Variants in LGR6 observed in about 807,000 individuals in gnomAD.
LGR6 encodes the protein leucine rich repeat containing G protein-coupled receptor 6, also known as leucine-rich repeat-containing G protein-coupled receptor 6.
A neutral mutation model predicts 69.4 loss-of-function variants in LGR6; 45 were observed. The observed-to-expected ratio is 0.65, with a 90% CI of 0.51 to 0.83. LGR6 has a LOEUF of 0.83. Ranked by LOEUF, LGR6 falls within the 40% of genes least tolerant of loss-of-function variation. LGR6 has a pLI of 0.00. For synonymous variants in LGR6, 538 were observed against 555.0 expected, an observed-to-expected ratio of 0.97 and a Z score of 0.43; for missense variants, 1,108 against 1,246.7, an observed-to-expected ratio of 0.89 and a Z score of 1.68.
intron 1 of LGR6, among the ~76,000 whole-genome samples, chr1:202,216,380 A>C (rs1298225909): frequency 1.3e-5 from 2 of 152,214 alleles, no homozygotes; most frequent in African/African-American, 4.8e-5. Flanking sequence ...AATCAAACAC[A>C]AGTCAGTCTG....
chr1:202,251,796 C>T (rs1663270890), intron 4 of LGR6, among the ~76,000 whole-genome samples: 1 of 152,178 alleles, frequency 6.6e-6, no homozygotes, highest in Admixed American at 6.5e-5. Flanking sequence ...TAAAACCCCC[C>T]TCAGAACATC....
At chr1:202,263,225 C>T (rs1423482322) in intron 4 of LGR6, among the ~76,000 whole-genome samples, 2 of 152,054 alleles carry the variant, frequency 1.3e-5, no homozygotes, top group Non-Finnish European at 2.9e-5. Flanking sequence ...CGGGTTCAAG[C>T]AATTCTCCTG....
intron 4 of LGR6, among the ~76,000 whole-genome samples, chr1:202,262,225 A>G (rs369606861): frequency 1.5e-4 from 23 of 151,992 alleles, no homozygotes; most frequent in African/African-American, 5.5e-4. Context: ...TAGGTCTAAC[A>G]TTTAAGTCTT....
At chr1:202,234,712 A>C (rs1012510679) in intron 3 of LGR6, among the ~76,000 whole-genome samples, 11 of 152,226 alleles carry the variant, frequency 7.2e-5, no homozygotes, top group African/African-American at 2.7e-4. Context: ...GTTTGAATTA[A>C]TACAAGTTCT....
intron 4 of LGR6, among the ~76,000 whole-genome samples, chr1:202,270,877 T>G (rs1461800446): frequency 6.6e-6 from 1 of 151,968 alleles, no homozygotes; most frequent in African/African-American, 2.4e-5. Flanking sequence ...GAGGGAAGGG[T>G]CCCCTTCCTT....
intron 1 of LGR6, chr1:202,213,947 G>C (rs761228296): frequency 9.2e-5 from 59 of 644,720 alleles, no homozygotes; most frequent in Non-Finnish European, 1.1e-4. Flanking sequence ...CTTCTTGTTG[G>C]GCAGGTATTT....
At chr1:202,196,412 G>A (rs571708272) in intron 1 of LGR6, among the ~76,000 whole-genome samples, 20 of 152,288 alleles carry the variant, frequency 1.3e-4, no homozygotes, top group South Asian at 6.2e-4. Context: ...TCTTTTCAGC[G>A]ATGTTAGGAG....
chr1:202,317,490 G>C (rs961712523), intron 17 of LGR6, among the ~76,000 whole-genome samples: 3 of 152,002 alleles, frequency 2.0e-5, no homozygotes, highest in African/African-American at 7.3e-5. Flanking sequence ...GACTACATGT[G>C]CGTGCCACCA....
At chr1:202,240,719 T>A (rs1048378939) in intron 4 of LGR6, among the ~76,000 whole-genome samples, 14 of 152,172 alleles carry the variant, frequency 9.2e-5, no homozygotes, top group Admixed American at 6.5e-4. Flanking sequence ...TTCAGGTCCT[T>A]CTGTCTTAGA....
chr1:202,241,311 AG>A (rs34421637), intron 4 of LGR6, among the ~76,000 whole-genome samples: 2 of 152,310 alleles, frequency 1.3e-5, no homozygotes, highest in African/African-American at 4.8e-5. Context: ...CTGGAGCCTC[AG>A]GGAAGGTTCA....
At chr1:202,252,984 C>G (rs1434474009) in intron 4 of LGR6, among the ~76,000 whole-genome samples, 2 of 152,230 alleles carry the variant, frequency 1.3e-5, no homozygotes, top group Non-Finnish European at 2.9e-5. Context: ...AGCAGGAAGA[C>G]ATTCTGACAC....
At chr1:202,314,498 A>T (rs913741647) in intron 16 of LGR6, among the ~76,000 whole-genome samples, 3 of 152,116 alleles carry the variant, frequency 2.0e-5, no homozygotes, top group African/African-American at 7.2e-5. Flanking sequence ...TTCCACTCCA[A>T]CTCGAAGCAG....
intron 16 of LGR6, among the ~76,000 whole-genome samples, chr1:202,310,988 T>C (rs1653680284): frequency 6.6e-6 from 1 of 151,682 alleles, no homozygotes; most frequent in Admixed American, 6.6e-5. Context: ...TCTGGAAGAG[T>C]TAGGGTAAAA....
chr1:202,280,276 C>T (rs147328934), intron 5 of LGR6, among the ~76,000 whole-genome samples: 88 of 152,288 alleles, frequency 5.8e-4, no homozygotes, highest in South Asian at 1.0e-3. Flanking sequence ...TGCCTCGATT[C>T]CTCTGGCCTC....
At position 202,268,823 on chromosome 1, in the gene LGR6, G is replaced by C. The variant is rs1664877858; in HGVS notation, c.429-7483G>C. On this transcript the variant is annotated intron_variant, in intron 4 of 17. Transcript: ENST00000367278. This position sits in a 1 kb window ranked among gnomAD's most constrained non-coding sequence, Gnocchi z 4.4. Reference sequence around the variant, plus strand: ...TTTGGGAGCAGAGCCGACCTCATGGGCCTGCGACCTGTGTGGTTGCCAGGG... The same window carrying C: ...TTTGGGAGCAGAGCCGACCTCATGGCCCTGCGACCTGTGTGGTTGCCAGGG... Among the ~76,000 whole-genome samples the C allele has an allele frequency of 2.0e-5, 3 of 152,324 alleles. No individual in the cohort carries two copies. The South Asian group carries it at 6.2e-4, about 32-fold the overall frequency.
chr1:202,250,913 C>T (rs995476618), intron 4 of LGR6, among the ~76,000 whole-genome samples: 8 of 152,200 alleles, frequency 5.3e-5, no homozygotes, highest in African/African-American at 1.7e-4. Context: ...TGAGTCCATG[C>T]TTTTTCTGCC....
intron 6 of LGR6, among the ~76,000 whole-genome samples, chr1:202,287,926 A>G (rs788643): frequency 0.49 from 75,224 of 151,986 alleles, 19,324 homozygotes; most frequent in East Asian, 0.7. Flanking sequence ...AACAACCAGA[A>G]TGACTATTTT....
At chr1:202,243,209 C>T (rs774910317) in intron 4 of LGR6, among the ~76,000 whole-genome samples, 7 of 152,138 alleles carry the variant, frequency 4.6e-5, no homozygotes, top group Non-Finnish European at 7.3e-5. Flanking sequence ...GGTACCTGCT[C>T]CCAGAGCTGA....
At chr1:202,206,435 C>T (rs927734952) in intron 1 of LGR6, among the ~76,000 whole-genome samples, 2 of 152,246 alleles carry the variant, frequency 1.3e-5, no homozygotes, top group Admixed American at 1.3e-4. Context: ...GCATGTGTGA[C>T]TGGGTGGCCA....
Sources: allele counts gnomAD v4.1 joint callset (sites outside exome capture counted in the v4.1 genomes callset), GRCh38; gene constraint gnomAD v4.1.1; non-coding constraint Gnocchi (gnomAD v3.1); transcripts MANE v1.5; gene names NCBI Gene and HGNC (gene_info 2026-07-23, HGNC 2026-07-21).